Variants in ZNF567 observed in about 807,000 individuals in gnomAD.
ZNF567 encodes the protein zinc finger protein 567.
In ZNF567, 36 loss-of-function variants were observed where a neutral mutation model predicts 53.9. The observed-to-expected ratio is 0.67, with a 90% CI of 0.51 to 0.88. The LOEUF is 0.88. Ranked by LOEUF, ZNF567 falls within the 40% of genes least tolerant of loss-of-function variation. The pLI, the probability that ZNF567 is intolerant of heterozygous loss-of-function variation, is 0.00. For missense variants in ZNF567, 619 were observed against 764.7 expected (o/e 0.81, Z 2.25); for synonymous variants, 224 against 260.4 (o/e 0.86, Z 1.35).
At chr19:36,682,356 T>C in the ZNF567 span, among the ~76,000 whole-genome samples, 11 of 151,086 alleles carry the variant, frequency 7.3e-5, no homozygotes, top group African/African-American at 2.7e-4. Flanking sequence ...ATGTTATCTA[T>C]ATGTATCTAT....
At chr19:36,707,525 T>C (rs991885160) in intron 3 of ZNF567, among the ~76,000 whole-genome samples, 1 of 152,188 alleles carries the variant, frequency 6.6e-6, no homozygotes, top group Non-Finnish European at 1.5e-5. Flanking sequence ...TTCTCTCATG[T>C]TTATCTTTTT....
chr19:36,722,754 C>A (rs2040315215), downstream of ZNF567, among the ~76,000 whole-genome samples: 1 of 152,148 alleles, frequency 6.6e-6, no homozygotes, highest in African/African-American at 2.4e-5. Context: ...TAAATGGAAC[C>A]ATTCTTGTCA....
At chr19:36,690,296 T>A (rs1052733137) in intron 2 of ZNF567, among the ~76,000 whole-genome samples, 9 of 152,184 alleles carry the variant, frequency 5.9e-5, no homozygotes, top group Non-Finnish European at 1.2e-4. Flanking sequence ...GAGCACATTT[T>A]AAAATAGGAC....
At chr19:36,704,468 T>C (rs191881699) in intron 3 of ZNF567, among the ~76,000 whole-genome samples, 1 of 152,310 alleles carries the variant, frequency 6.6e-6, no homozygotes, top group Non-Finnish European at 1.5e-5. Context: ...TCTATTGGTT[T>C]TTCACATTAT....
chr19:36,709,072 G>A (rs2039642193), intron 3 of ZNF567, among the ~76,000 whole-genome samples: 1 of 152,110 alleles, frequency 6.6e-6, no homozygotes, highest in Admixed American at 6.5e-5. Flanking sequence ...TGATATTTAT[G>A]TTTGCAATAA....
chr19:36,710,467 G>C (rs1282379773), intron 3 of ZNF567, among the ~76,000 whole-genome samples: 2 of 151,882 alleles, frequency 1.3e-5, no homozygotes, highest in African/African-American at 4.8e-5. Flanking sequence ...TCTGAATTCT[G>C]TTATATCTGT....
rs148635356 is a variant in ZNF567 at position 36,719,642 on chromosome 19, G to C, written c.918G>C (p.Glu306Asp). Reference protein sequence around the residue: ...LIDHQRTHTGEKPFVCNECGK... With the variant: ...LIDHQRTHTGDKPFVCNECGK... ...ATCATCAGAGAACTCACACAGGAGA[G>C]AAACCCTTTGTTTGCAATGAATGTG... is the stretch of plus-strand genomic sequence containing the variant. The change falls in exon 6 of 6, where the codon GAG becomes GAC. Residue 306 changes from glutamate to aspartate, a missense_variant. Physicochemically the swap from Glu to Asp is conservative, Grantham distance 45. Coordinates refer to ENST00000682579, the MANE Select transcript of ZNF567 (RefSeq NM_001322917.1). 1,105 of 1,614,000 alleles carry C rather than the reference G, an allele frequency of 6.8e-4. 3 individuals carry two copies. The highest frequency in any genetic ancestry group is 8.8e-4 in the Non-Finnish European group (1,040 of 1,179,900).
intron 3 of ZNF567, among the ~76,000 whole-genome samples, chr19:36,697,674 G>A (rs1423673312): frequency 1.3e-5 from 2 of 150,692 alleles, no homozygotes; most frequent in African/African-American, 2.4e-5. Context: ...GTGCAGTGGT[G>A]GATCTCAGCT....
chr19:36,675,710 G>A, the ZNF567 span, among the ~76,000 whole-genome samples: 1 of 151,970 alleles, frequency 6.6e-6, no homozygotes, highest in African/African-American at 2.4e-5. Flanking sequence ...TTAGCCAGGT[G>A]TGGTGGCATG....
In ZNF567 at chr19:36,712,451, T is replaced by A. The variant is rs2039839524; in HGVS notation, c.75T>A (p.His25Gln). The change falls in exon 4 of 6, where the codon CAT (histidine) becomes CAA (glutamine). Residue 25 changes from histidine to glutamine, a missense_variant. By Grantham distance (24) the His-to-Gln change is conservative (BLOSUM62 0). Coordinates refer to ENST00000682579, the MANE Select transcript of ZNF567 (RefSeq NM_001322917.1). ...FTQEEWQHLDHAQKTLYMDVM... is the reference protein window; with the variant it reads ...FTQEEWQHLDQAQKTLYMDVM... ...AGGAGGAGTGGCAGCACCTGGATCA[T>A]GCTCAGAAGACTCTATATATGGATG... is the stretch of plus-strand genomic sequence containing the variant. 6.2e-7 allele frequency: 1 copy of A among 1,614,094 alleles called. No homozygotes were observed. Among genetic ancestry groups the A allele is most frequent in the African/African-American group, 1.3e-5 (1 of 75,042 alleles).
chr19:36,712,727 AT>A, intron 4 of ZNF567, 53 bp from the exon 5 acceptor site: 1 of 1,553,544 alleles, frequency 6.4e-7, no homozygotes, highest in Non-Finnish European at 8.8e-7. Flanking sequence ...CCCTTTCCTC[AT>A]TTTTCAGTGG....
chr19:36,713,597 C>T (rs545640978), intron 5 of ZNF567, among the ~76,000 whole-genome samples: 1 of 148,144 alleles, frequency 6.8e-6, no homozygotes, highest in South Asian at 2.2e-4. Flanking sequence ...GCTACAGAGC[C>T]AAGACCCTGT....
chr19:36,712,034 A>G (rs1243415264), intron 3 of ZNF567: 1 of 170,726 alleles, frequency 5.9e-6, no homozygotes, highest in African/African-American at 2.4e-5. Context: ...CCCAATATCC[A>G]GTCCACCTGT....
At chr19:36,703,582 C>G (rs12459915) in intron 3 of ZNF567, 7,005 of 153,160 alleles carry the variant, frequency 0.046, 462 homozygotes, top group African/African-American at 0.14. Flanking sequence ...GTGGGCTCCA[C>G]CCAGTTCGAG....
chr19:36,721,610 T>C (rs1223275855), downstream of ZNF567, among the ~76,000 whole-genome samples: 6 of 152,154 alleles, frequency 3.9e-5, no homozygotes, highest in African/African-American at 1.4e-4. Flanking sequence ...GTTGTCATGA[T>C]TTTAGGGGTA....
Position 36,720,766 on chromosome 19 carries a change from A to G in ZNF567, c.*98A>G. The G allele has an allele frequency of 9.0e-7, 1 of 1,105,840 alleles. No homozygotes were observed. The highest frequency in any genetic ancestry group is 1.2e-6 in the Non-Finnish European group (1 of 803,320). The allele number at this position is 1,105,840 out of a possible 1,614,324, so 68.5% of individuals were successfully genotyped here. On this transcript the variant is annotated 3_prime_UTR_variant, in exon 6 of 6. Coordinates refer to ENST00000682579, the MANE Select transcript of ZNF567 (RefSeq NM_001322917.1). ...AAACATGTTAATGTAATTTTAAATC[A>G]CAAGTCTAATAATTATTAAAGTACC...
intron 1 of ZNF567, among the ~76,000 whole-genome samples, chr19:36,689,154 G>A (rs935476906): frequency 6.6e-6 from 1 of 151,622 alleles, no homozygotes; most frequent in Non-Finnish European, 1.5e-5. Context: ...TGACTGATAT[G>A]CTTAAATGAA....
chr19:36,682,283 C>CA, the ZNF567 span, among the ~76,000 whole-genome samples: 361 of 96,382 alleles, frequency 3.7e-3, 4 homozygotes, highest in South Asian at 6.8e-3. Context: ...GACCCTGTCT[C>CA]AAAAAAAAAA....
In ZNF567 at chr19:36,719,432, C is replaced by T. The variant is rs2145915985; in HGVS notation, c.708C>T (p.Asn236=). The T allele has an allele frequency of 6.2e-7, 1 of 1,612,750 alleles. No homozygotes were observed. The highest frequency in any genetic ancestry group is 8.5e-7 in the Non-Finnish European group (1 of 1,179,718). ...ITHSRPYKGE[N]PSVYNKKRRA... is the part of the protein sequence containing the mutation. ...ATAGTAGACCTTACAAAGGAGAAAA[C>T]CCATCTGTATATAATAAAAAAAGAA... The change falls in exon 6 of 6, where the codon AAC becomes AAT. Residue 236 remains asparagine (N), a synonymous_variant. Transcript: ENST00000682579.
Sources: allele counts gnomAD v4.1 joint callset (sites outside exome capture counted in the v4.1 genomes callset), GRCh38; gene constraint gnomAD v4.1.1; transcripts MANE v1.5; gene names NCBI Gene and HGNC (gene_info 2026-07-23, HGNC 2026-07-21).